The following NOL6 variants were observed in gnomAD, a reference collection of about 807,000 sequenced individuals.
The protein encoded by NOL6 is nucleolar protein 6.
In NOL6, 33 loss-of-function variants were observed where a neutral mutation model predicts 131.7. The observed-to-expected ratio is 0.25, with a 90% CI of 0.19 to 0.33. NOL6 has a LOEUF of 0.33. Among genes scored for constraint, NOL6 ranks in the 10% least tolerant of loss-of-function variants. NOL6 has a pLI of 1.00. For missense variants in NOL6, 1,297 were observed against 1,494.5 expected, an observed-to-expected ratio of 0.87 and a Z score of 2.18; for synonymous variants, 580 against 605.7, an observed-to-expected ratio of 0.96 and a Z score of 0.62.
chr9:33,472,512 C>T, intron 1 of NOL6, 100 bp from the exon 2 acceptor site: 3 of 885,414 alleles, frequency 3.4e-6, no homozygotes, highest in South Asian at 2.9e-5. Flanking sequence ...GCTTCACCTG[C>T]TCTGTCCCTC....
intron 4 of NOL6, 43 bp downstream of exon 4, chr9:33,469,969 T>C (rs745933142): frequency 3.5e-5 from 52 of 1,487,494 alleles, no homozygotes; most frequent in Non-Finnish European, 4.2e-5. Context: ...GATTTGTAGG[T>C]AGTCAGGTGG....
At position 33,466,680 on chromosome 9, in the gene NOL6, T is replaced by C; in HGVS notation, c.1980A>G (p.Val660=). The C allele has an allele frequency of 6.2e-7, 1 of 1,613,868 alleles. No homozygotes were observed. The highest frequency in any genetic ancestry group is 8.5e-7 in the Non-Finnish European group (1 of 1,180,010). ...GGTCGTCGTAGCAACGTACCGCCGC[T>C]ACCAGGGCCTCCTCACCTGTGCTGG... is the stretch of plus-strand genomic sequence containing the variant. ...ETSSTGEEAL[V]AAVRCYDDLS... The change falls in exon 16 of 26, where the codon GTA becomes GTG. Residue 660 remains valine, a synonymous_variant. Coordinates refer to ENST00000297990, the MANE Select transcript of NOL6 (RefSeq NM_022917.5).
chr9:33,472,308 C>T lies in NOL6; in HGVS notation c.159G>A (p.Val53=), dbSNP rs1452113869. Reference sequence around the variant, plus strand: ...TGTACAGTTCTGCCCTGCTGAGCTTCACTGGCTGCAGGAGGCCCTTCGCTG... The same window carrying T: ...TGTACAGTTCTGCCCTGCTGAGCTTTACTGGCTGCAGGAGGCCCTTCGCTG... ...EPPAKGLLQP[V]KLSRAELYKE... is the part of the protein sequence containing the mutation. The change falls in exon 2 of 26, where the codon GTG becomes GTA. Residue 53 remains valine, a synonymous_variant. Transcript: ENST00000297990. The T allele has an allele frequency of 1.2e-6, 2 of 1,614,118 alleles. No homozygotes were observed. Among genetic ancestry groups the T allele is most frequent in the African/African-American group, 2.7e-5 (2 of 74,946 alleles).
intron 22 of NOL6, 43 bp downstream of exon 22, chr9:33,463,992 CTT>C (rs1215727932): frequency 6.2e-7 from 1 of 1,612,700 alleles, no homozygotes; most frequent in Admixed American, 1.7e-5. Flanking sequence ...CTGCTTTTTC[CTT>C]GGGAAGAAAA....
In NOL6 at chr9:33,465,916, G is replaced by C; in HGVS notation, c.2365-19C>G. 6.2e-7 allele frequency: 1 copy of C among 1,610,686 alleles called. No homozygotes were observed. Among genetic ancestry groups the C allele is most frequent in the Non-Finnish European group, 8.5e-7 (1 of 1,177,444 alleles). ...ATCCATCCTGTTGGAAGAAGGTATG[G>C]AAAGAGAAGGATGTGTCAGCCCAGA... On this transcript the variant is annotated intron_variant, in intron 18 of 25. Transcript: ENST00000297990.
At position 33,469,683 on chromosome 9, in the gene NOL6, G is replaced by T. The variant is rs765726823; in HGVS notation, c.559-16C>A. The T allele has an allele frequency of 6.2e-7, 1 of 1,601,094 alleles. No individual in the cohort carries two copies. Among genetic ancestry groups the T allele is most frequent in the East Asian group, 2.2e-5 (1 of 44,816 alleles). ...GTAGGATTTCCTGGAGGGGCCAGGG[G>T]AGAAGAGAAGGCCAGGCACATAAGT... On this transcript the variant is annotated splice_polypyrimidine_tract_variant and intron_variant, in intron 4 of 25. Coordinates refer to ENST00000297990, the MANE Select transcript of NOL6 (RefSeq NM_022917.5).
chr9:33,469,682 GGAGAA>G lies in NOL6; in HGVS notation c.559-20_559-16del. The G allele has an allele frequency of 6.2e-7, 1 of 1,601,750 alleles. No homozygotes were observed. Reference sequence around the variant, plus strand: ...TGTAGGATTTCCTGGAGGGGCCAGGGGAGAAGAGAAGGCCAGGCACATAAGTGCTT... The same window carrying G: ...TGTAGGATTTCCTGGAGGGGCCAGGGGAGAAGGCCAGGCACATAAGTGCTT... On this transcript the variant is annotated splice_polypyrimidine_tract_variant and intron_variant, in intron 4 of 25. Coordinates refer to ENST00000297990, the MANE Select transcript of NOL6 (RefSeq NM_022917.5).
At chr9:33,465,487 A>C in intron 19 of NOL6, 128 bp from the exon 20 acceptor site, 1 of 1,211,456 alleles carries the variant, frequency 8.3e-7, no homozygotes. Context: ...TAAGAAATGC[A>C]CCAAGAAGTT....
rs761442932 is a variant in NOL6 at position 33,468,317 on chromosome 9, G to T, written c.1308+4C>A. 5.6e-6 allele frequency: 9 copies of T among 1,613,510 alleles called. 1 individual carries two copies. The highest frequency in any genetic ancestry group is 7.6e-6 in the Non-Finnish European group (9 of 1,179,470). On this transcript the variant is annotated splice_donor_region_variant and intron_variant, in intron 10 of 25. Coordinates refer to ENST00000297990, the MANE Select transcript of NOL6 (RefSeq NM_022917.5). ...GGGAACACAGATTGGGGGCCCATTG[G>T]TACCTGGTGGTAAGTAGAGGCAGTG...
chr9:33,471,158 G>C (rs1827402125), intron 3 of NOL6, among the ~76,000 whole-genome samples: 1 of 152,200 alleles, frequency 6.6e-6, no homozygotes, highest in Non-Finnish European at 1.5e-5. Context: ...AGCTACTCGG[G>C]AGGCTGAGGC....
At chr9:33,465,702 C>A (rs751851617) in intron 19 of NOL6, 32 bp downstream of exon 19, 2 of 1,599,176 alleles carry the variant, frequency 1.3e-6, no homozygotes. Context: ...AGGGGGCCTA[C>A]AGACAGGAAG....
chr9:33,467,076 C>T lies in NOL6; in HGVS notation c.1874+38G>A, dbSNP rs748553329. 2.9e-5 allele frequency: 46 copies of T among 1,613,244 alleles called. No homozygotes were observed. The highest frequency in any genetic ancestry group is 3.9e-5 in the Non-Finnish European group (46 of 1,179,362). On this transcript the variant is annotated intron_variant, in intron 14 of 25. Coordinates refer to ENST00000297990, the MANE Select transcript of NOL6 (RefSeq NM_022917.5). The surrounding 1 kb of genome is among the most constrained non-coding windows in gnomAD (Gnocchi z 4.4). ...CCAGACCCCTGAAAAGGCTCCCCAGCCCACACTGCCTTCTGGAATCCAGAT... is the reference window on the plus strand; with the variant it reads ...CCAGACCCCTGAAAAGGCTCCCCAGTCCACACTGCCTTCTGGAATCCAGAT...
At chr9:33,462,887 G>A in intron 25 of NOL6, 74 bp from the exon 26 acceptor site, 3 of 1,585,418 alleles carry the variant, frequency 1.9e-6, no homozygotes, top group Admixed American at 1.8e-5. Flanking sequence ...TGGGTACAGA[G>A]TGGGGGTGGT....
intron 5 of NOL6, 31 bp from the exon 6 acceptor site, chr9:33,469,372 C>A: frequency 4.3e-6 from 7 of 1,613,656 alleles, no homozygotes; most frequent in Non-Finnish European, 5.9e-6. Context: ...TGAGACTCTG[C>A]AGGAGCCCTT....
intron 3 of NOL6, chr9:33,470,437 A>C (rs1827377916): frequency 3.7e-6 from 1 of 270,838 alleles, no homozygotes; most frequent in Non-Finnish European, 6.9e-6. Context: ...TCACGCCTGT[A>C]ATCCCAGCAC....
In NOL6 at chr9:33,468,780, C is replaced by A. The variant is rs1373781625; in HGVS notation, c.1119G>T (p.Gln373His). ...GAAACTGCAAGACACTTCTCAGGAC[C>A]TGGTAGCCACTCATGGTGGTATGGA... The part of the protein sequence containing the change: ...RKIHTTMSGY[Q>H]VLRSVLQFLA... Residue 373 changes from glutamine (Q) to histidine (H), a missense_variant, in exon 8 of 26, where the codon CAG (glutamine) becomes CAT (histidine). Gln to His is a conservative substitution (Grantham distance 24). Coordinates refer to ENST00000297990, the MANE Select transcript of NOL6 (RefSeq NM_022917.5). 2.5e-6 allele frequency: 4 copies of A among 1,614,200 alleles called. No individual in the cohort carries two copies. Among genetic ancestry groups the A allele is most frequent in the Non-Finnish European group, 3.4e-6 (4 of 1,180,036 alleles).
In NOL6 at chr9:33,463,913, T is replaced by C. The variant is rs771234978; in HGVS notation, c.2912A>G (p.Gln971Arg). ...TTCAGCTGCCAGGACCACAAGCTGC[T>C]GCAGGATCTGCGGGGTACAGACACA... is the stretch of plus-strand genomic sequence containing the variant. Reference protein sequence around the residue: ...TQDGPSAQILQQLVVLAAEAL... With the variant: ...TQDGPSAQILRQLVVLAAEAL... Residue 971 changes from glutamine (Q) to arginine (R), a missense_variant, in exon 23 of 26, where the codon CAG becomes CGG. Coordinates refer to ENST00000297990, the MANE Select transcript of NOL6 (RefSeq NM_022917.5). 5 of 1,614,042 alleles carry C rather than the reference T, an allele frequency of 3.1e-6. No individual in the cohort carries two copies. The highest frequency in any genetic ancestry group is 3.3e-5 in the Admixed American group (2 of 60,008).
chr9:33,467,056 C>A lies in NOL6; in HGVS notation c.1874+58G>T. ...TTCTCGCTCAACTGCCTGGGCCAGA[C>A]CCCTGAAAAGGCTCCCCAGCCCACA... On this transcript the variant is annotated intron_variant, in intron 14 of 25. Coordinates refer to ENST00000297990, the MANE Select transcript of NOL6 (RefSeq NM_022917.5). This position sits in a 1 kb window ranked among gnomAD's most constrained non-coding sequence, Gnocchi z 4.4. 2.5e-6 allele frequency: 4 copies of A among 1,613,236 alleles called. No individual in the cohort carries two copies. The highest frequency in any genetic ancestry group is 3.4e-6 in the Non-Finnish European group (4 of 1,179,330).
intron 1 of NOL6, chr9:33,472,792 G>C (rs1269025709): frequency 3.6e-6 from 1 of 279,598 alleles, no homozygotes; most frequent in Non-Finnish European, 7.0e-6. Flanking sequence ...GGCCAACATG[G>C]GGAAACTCCG....
Sources: gnomAD v4.1 joint callset for allele counts (sites outside exome capture counted in the v4.1 genomes callset) on GRCh38, gnomAD v4.1.1 for gene constraint, Gnocchi (gnomAD v3.1) non-coding constraint, MANE v1.5 for transcripts, NCBI Gene and HGNC (gene_info 2026-07-23, HGNC 2026-07-21) for gene names.